NSG2: variants seen among roughly 807,000 people sequenced by gnomAD.
The protein encoded by NSG2 is neuronal vesicle trafficking associated 2, also known as neuronal vesicle trafficking-associated protein 2.
A neutral mutation model predicts 16.9 loss-of-function variants in NSG2; 4 were observed. The observed-to-expected ratio is 0.24, with a 90% CI of 0.12 to 0.54. NSG2 has a LOEUF of 0.54. Among genes scored for constraint, NSG2 ranks in the 20% least tolerant of loss-of-function variants. The probability of loss-of-function intolerance (pLI) is 0.95; values close to 1 mark genes in which losing one functional copy is unlikely to be tolerated. For missense variants in NSG2, 179 were observed against 221.1 expected, an observed-to-expected ratio of 0.81 and a Z score of 1.21; for synonymous variants, 98 against 88.7, an observed-to-expected ratio of 1.11 and a Z score of -0.59.
In NSG2 at chr5:174,107,683, A is replaced by G. The variant is rs1228531170; in HGVS notation, c.*178A>G. 1.4e-6 allele frequency: 1 copy of G among 728,754 alleles called. No individual in the cohort carries two copies. Among genetic ancestry groups the G allele is most frequent in the Admixed American group, 2.0e-5 (1 of 49,994 alleles). 45.1% of individuals were successfully genotyped at this position (728,754 alleles called of 1,614,324 possible). On this transcript the variant is annotated 3_prime_UTR_variant, in exon 5 of 5. Coordinates refer to ENST00000303177, the MANE Select transcript of NSG2 (RefSeq NM_015980.5). The surrounding 1 kb of genome is among the most constrained non-coding windows in gnomAD (Gnocchi z 4.5). ...GTGTGTGCTGGAGTTGTCTGAACCG[A>G]TATTTCTTTTTGTTCCTTGGTATTG...
At chr5:174,105,605 A>G (rs150043288) in intron 4 of NSG2, among the ~76,000 whole-genome samples, 2 of 152,298 alleles carry the variant, frequency 1.3e-5, no homozygotes, top group East Asian at 3.9e-4. Context: ...AATACACTCC[A>G]CCAAGGGTAT....
At chr5:174,066,030 T>G (rs1760133351) in intron 3 of NSG2, among the ~76,000 whole-genome samples, 1 of 152,180 alleles carries the variant, frequency 6.6e-6, no homozygotes, top group Admixed American at 6.5e-5. Flanking sequence ...CATGTGGGTT[T>G]GTTTGTCTTT....
chr5:174,048,536 A>T (rs1321926609), intron 2 of NSG2, among the ~76,000 whole-genome samples: 1 of 152,244 alleles, frequency 6.6e-6, no homozygotes, highest in African/African-American at 2.4e-5. Flanking sequence ...GAGGTTGGGT[A>T]GGAGAAGGGA....
intron 3 of NSG2, among the ~76,000 whole-genome samples, chr5:174,098,266 CATGAG>C (rs1760837572): frequency 6.6e-6 from 1 of 152,154 alleles, no homozygotes; most frequent in African/African-American, 2.4e-5. Flanking sequence ...GGGAGAGGTA[CATGAG>C]ACTGGAGGGT....
chr5:174,050,207 A>G lies in NSG2; in HGVS notation c.129+3323A>G, dbSNP rs1203675208. Among the ~76,000 whole-genome samples the G allele has an allele frequency of 5.3e-5, 8 of 152,208 alleles. No individual in the cohort carries two copies. In the East Asian group the frequency reaches 1.5e-3, roughly 29 times the overall value. ...GAAGCTAAGATGGTTATCACAAAGA[A>G]GGATATTTGACCCCAATGTCAGATC... On this transcript the variant is annotated intron_variant, in intron 2 of 4. Transcript: ENST00000303177.
intron 2 of NSG2, among the ~76,000 whole-genome samples, chr5:174,049,669 G>T (rs1759858183): frequency 6.6e-6 from 1 of 152,112 alleles, no homozygotes; most frequent in Admixed American, 6.5e-5. Flanking sequence ...CAGGAATGAG[G>T]AGTGAGCCAG....
chr5:174,107,525 T>TG lies in NSG2; in HGVS notation c.*26dup, dbSNP rs201768305. ...CACTAGAGGCCTGCCCCAGCCAGAA[T>TG]GGGGGGCGGGGTGGAGAGGAGGACC... On this transcript the variant is annotated 3_prime_UTR_variant, in exon 5 of 5. Coordinates refer to ENST00000303177, the MANE Select transcript of NSG2 (RefSeq NM_015980.5). This position sits in a 1 kb window ranked among gnomAD's most constrained non-coding sequence, Gnocchi z 4.5. The TG allele has an allele frequency of 0.029, 42,323 of 1,437,024 alleles. 712 individuals carry two copies. The highest frequency in any genetic ancestry group is 0.039 in the Middle Eastern group (202 of 5,184). 89.0% of individuals were successfully genotyped at this position (1,437,024 alleles called of 1,614,324 possible).
intron 3 of NSG2, among the ~76,000 whole-genome samples, chr5:174,076,446 C>T (rs948249272): frequency 1.7e-4 from 26 of 151,052 alleles, no homozygotes; most frequent in African/African-American, 5.4e-4. Flanking sequence ...AAAAGAGAGA[C>T]GAAGAGAGAG....
Position 174,046,892 on chromosome 5 carries a change from A to C in NSG2, c.129+8A>C. ...CTGCCTGCTCCAGAAAAGGTAAAGC[A>C]TGTCCTCTTGCTCTCATCAGCCCCC... is the stretch of plus-strand genomic sequence containing the variant. On this transcript the variant is annotated splice_region_variant and intron_variant, in intron 2 of 4. Coordinates refer to ENST00000303177, the MANE Select transcript of NSG2 (RefSeq NM_015980.5). 6.2e-7 allele frequency: 1 copy of C among 1,613,956 alleles called. No individual in the cohort carries two copies. Among genetic ancestry groups the C allele is most frequent in the Non-Finnish European group, 8.5e-7 (1 of 1,179,922 alleles).
At chr5:174,100,168 G>T (rs1760876885) in intron 3 of NSG2, among the ~76,000 whole-genome samples, 1 of 152,188 alleles carries the variant, frequency 6.6e-6, no homozygotes, top group Non-Finnish European at 1.5e-5. Context: ...AATCCCATGG[G>T]CTGGGCTGCA....
intron 3 of NSG2, among the ~76,000 whole-genome samples, chr5:174,097,055 C>G (rs115928494): frequency 5.8e-4 from 89 of 152,298 alleles, no homozygotes; most frequent in African/African-American, 2.1e-3. Flanking sequence ...ATAGTGTGCA[C>G]TACGTTCCCA....
chr5:174,099,387 C>T (rs960508226), intron 3 of NSG2, among the ~76,000 whole-genome samples: 1 of 152,180 alleles, frequency 6.6e-6, no homozygotes, highest in African/African-American at 2.4e-5. Context: ...ATTGACTCCA[C>T]CCCACTGCCC....
At chr5:174,059,772 C>T (rs757425179) in intron 2 of NSG2, among the ~76,000 whole-genome samples, 26 of 152,186 alleles carry the variant, frequency 1.7e-4, no homozygotes, top group Non-Finnish European at 2.6e-4. Context: ...CCTTGTTCTT[C>T]TCCTGGTTCC....
At chr5:174,102,941 C>CTTTTTTTTTTT (rs143473714) in intron 3 of NSG2, among the ~76,000 whole-genome samples, 57 of 111,690 alleles carry the variant, frequency 5.1e-4, no homozygotes, top group African/African-American at 1.4e-3. Flanking sequence ...ACCACCCTGG[C>CTTTTTTTTTTT]TTTTTTTTTT....
chr5:174,064,792 G>A (rs1205626541), intron 3 of NSG2, among the ~76,000 whole-genome samples: 1 of 152,190 alleles, frequency 6.6e-6, no homozygotes, highest in Admixed American at 6.5e-5. Flanking sequence ...TGGAGAATAT[G>A]TTGCTAGCTG....
At chr5:174,070,410 C>A (rs1374449277) in intron 3 of NSG2, among the ~76,000 whole-genome samples, 1 of 152,168 alleles carries the variant, frequency 6.6e-6, no homozygotes, top group African/African-American at 2.4e-5. Context: ...AGCAAGAACC[C>A]AGCTTCATGG....
At chr5:174,103,305 G>A (rs1395557562) in intron 3 of NSG2, among the ~76,000 whole-genome samples, 2 of 152,142 alleles carry the variant, frequency 1.3e-5, no homozygotes, top group Non-Finnish European at 2.9e-5. Context: ...CTGGTAGATT[G>A]GATGTGGTGT....
At position 174,064,236 on chromosome 5, in the gene NSG2, T is replaced by C. The variant is rs772793610; in HGVS notation, c.134T>C (p.Ile45Thr). The change falls in exon 3 of 5, where the codon ATT (isoleucine) becomes ACT (threonine). Residue 45 changes from isoleucine (I) to threonine (T), a missense_variant. By Grantham distance (89) the Ile-to-Thr change is moderately conservative (BLOSUM62 -1). Transcript: ENST00000303177. ...CACACTGGTTGACTCTTTCAGGTGA[T>C]TGTGAAGACAAGAACGGAATATCAG... The part of the protein sequence containing the change: ...HLQLPAPEKV[I>T]VKTRTEYQPE... 1 of 1,606,984 alleles carries C rather than the reference T, an allele frequency of 6.2e-7. No homozygotes were observed. The highest frequency in any genetic ancestry group is 8.5e-7 in the Non-Finnish European group (1 of 1,175,380).
intron 3 of NSG2, among the ~76,000 whole-genome samples, chr5:174,092,066 A>C (rs1287485143): frequency 6.6e-6 from 1 of 152,240 alleles, no homozygotes; most frequent in Non-Finnish European, 1.5e-5. Flanking sequence ...TCTCCAGGCT[A>C]CTTGCATTCA....
Sources: gnomAD v4.1 joint callset for allele counts (sites outside exome capture counted in the v4.1 genomes callset) on GRCh38, gnomAD v4.1.1 for gene constraint, Gnocchi (gnomAD v3.1) non-coding constraint, MANE v1.5 for transcripts, NCBI Gene and HGNC (gene_info 2026-07-23, HGNC 2026-07-21) for gene names.